The following CCDC152 variants were observed in gnomAD, a reference collection of about 807,000 sequenced individuals.
The protein encoded by CCDC152 is coiled-coil domain-containing protein 152.
In CCDC152, 37 loss-of-function variants were observed where a neutral mutation model predicts 38.1. The ratio of observed to expected loss-of-function variants is 0.97; its 90% CI spans 0.75 to 1.28. The LOEUF (loss-of-function observed/expected upper bound fraction) is 1.28, where lower values mean the gene tolerates loss of function less well. Among genes scored for constraint, CCDC152 ranks in the 50% most tolerant of loss-of-function variants. CCDC152 has a pLI of 0.00. For synonymous variants in CCDC152, 83 were observed against 87.1 expected, an observed-to-expected ratio of 0.95 and a Z score of 0.26; for missense variants, 259 against 292.1, an observed-to-expected ratio of 0.89 and a Z score of 0.83.
rs180799389 is a variant in CCDC152, at chr5:42,779,643, G to A, written c.327+121G>A. ...GCCAAATGTTTGTGGGTGTGTGTGTGTGTGGAGATATACGTATATATGCCA... is the reference window on the plus strand; with the variant it reads ...GCCAAATGTTTGTGGGTGTGTGTGTATGTGGAGATATACGTATATATGCCA... On this transcript the variant is annotated intron_variant, in intron 5 of 8. Transcript: ENST00000361970. 311 of 566,968 alleles carry A rather than the reference G, an allele frequency of 5.5e-4. 2 individuals are homozygous for A. In the East Asian group the frequency reaches 6.9e-3, roughly 13 times the overall value. 35.1% of individuals were successfully genotyped at this position (566,968 alleles called of 1,614,324 possible). A position where few individuals can be genotyped will look rare whatever the true frequency, so the allele number is the denominator to read the frequency against.
At chr5:42,769,989 G>C (rs759404253) in intron 4 of CCDC152, among the ~76,000 whole-genome samples, 1 of 152,128 alleles carries the variant, frequency 6.6e-6, no homozygotes, top group Non-Finnish European at 1.5e-5. Flanking sequence ...TTTGAAGAGT[G>C]GATATTACTA....
At position 42,800,820 on chromosome 5, in the gene CCDC152, G is replaced by A. The variant is rs1412209496; in HGVS notation, c.*1039G>A. The A allele has an allele frequency of 1.9e-6, 3 of 1,614,184 alleles. No individual in the cohort carries two copies. The highest frequency in any genetic ancestry group is 2.2e-5 in the East Asian group (1 of 44,886). On this transcript the variant is annotated 3_prime_UTR_variant, in exon 9 of 9. Transcript: ENST00000361970. Reference sequence around the variant, plus strand: ...CTGCTGACTTATTTGTCAGGCAGCTGGAGGCAAACGTCACTGACAAGATTC... The same window carrying A: ...CTGCTGACTTATTTGTCAGGCAGCTAGAGGCAAACGTCACTGACAAGATTC...
intron 5 of CCDC152, among the ~76,000 whole-genome samples, chr5:42,782,371 T>C (rs1404077374): frequency 1.3e-5 from 2 of 152,180 alleles, no homozygotes; most frequent in Non-Finnish European, 2.9e-5. Flanking sequence ...TTGAGCATCC[T>C]TAATATTCTA....
At chr5:42,770,506 T>C (rs1257081674) in intron 4 of CCDC152, among the ~76,000 whole-genome samples, 1 of 152,146 alleles carries the variant, frequency 6.6e-6, no homozygotes, top group Non-Finnish European at 1.5e-5. Flanking sequence ...GTCTTTTTTT[T>C]TTTAACAGTG....
At chr5:42,767,655 A>AT (rs1389837999) in intron 3 of CCDC152, among the ~76,000 whole-genome samples, 1 of 152,238 alleles carries the variant, frequency 6.6e-6, no homozygotes, top group Admixed American at 6.5e-5. Context: ...CTCGTGAAGA[A>AT]TTTATCTATG....
chr5:42,769,912 C>T (rs892506149), intron 4 of CCDC152, among the ~76,000 whole-genome samples: 15 of 152,112 alleles, frequency 9.9e-5, no homozygotes, highest in African/African-American at 3.4e-4. Flanking sequence ...TAGTTATTAC[C>T]TTCAAAAATT....
chr5:42,790,679 T>C (rs114496977), intron 6 of CCDC152, among the ~76,000 whole-genome samples: 97 of 152,096 alleles, frequency 6.4e-4, no homozygotes, highest in Non-Finnish European at 9.7e-4. Context: ...AAAGAAGGAA[T>C]CTTGGGTAGG....
chr5:42,793,206 A>G (rs993075382), intron 6 of CCDC152, among the ~76,000 whole-genome samples: 5 of 152,220 alleles, frequency 3.3e-5, no homozygotes, highest in South Asian at 2.1e-4. Context: ...CACATACTAT[A>G]TAATTCTGTT....
At chr5:42,758,051 T>A (rs993843255) in intron 1 of CCDC152, among the ~76,000 whole-genome samples, 2 of 152,210 alleles carry the variant, frequency 1.3e-5, no homozygotes, top group Non-Finnish European at 2.9e-5. Flanking sequence ...GCTGTAAGGA[T>A]CAAGTTTTAA....
intron 4 of CCDC152, among the ~76,000 whole-genome samples, chr5:42,770,396 T>C (rs1759681017): frequency 6.6e-6 from 1 of 152,196 alleles, no homozygotes; most frequent in Admixed American, 6.5e-5. Flanking sequence ...GGGGCACTCA[T>C]GCTCCTATTT....
At chr5:42,775,358 A>G (rs1001446222) in intron 4 of CCDC152, among the ~76,000 whole-genome samples, 2 of 152,208 alleles carry the variant, frequency 1.3e-5, no homozygotes, top group African/African-American at 4.8e-5. Context: ...GACCAAAGAT[A>G]GGAATTATAC....
At chr5:42,758,075 T>A (rs1327225750) in intron 1 of CCDC152, among the ~76,000 whole-genome samples, 1 of 152,220 alleles carries the variant, frequency 6.6e-6, no homozygotes, top group Non-Finnish European at 1.5e-5. Context: ...TTTAAGGGAT[T>A]TTATATGTAG....
chr5:42,769,694 A>G (rs920425480), intron 4 of CCDC152, 29 bp downstream of exon 4: 5 of 1,466,818 alleles, frequency 3.4e-6, no homozygotes, highest in Non-Finnish European at 4.5e-6. Flanking sequence ...TAAAATCTAA[A>G]AAAGCATTGT....
At chr5:42,799,485 G>C (rs1449613369) in intron 8 of CCDC152, 27 bp downstream of exon 8, 48 of 1,401,050 alleles carry the variant, frequency 3.4e-5, no homozygotes, top group Non-Finnish European at 4.4e-5. Context: ...CTCAGTATTT[G>C]TTGCTTAAGA....
chr5:42,789,203 G>A (rs564949329), intron 6 of CCDC152, among the ~76,000 whole-genome samples: 5 of 152,344 alleles, frequency 3.3e-5, no homozygotes, highest in South Asian at 4.1e-4. Flanking sequence ...TACCCTTTCT[G>A]CAGGGCTCTG....
chr5:42,758,594 A>G (rs1035061378), intron 1 of CCDC152, among the ~76,000 whole-genome samples: 1 of 152,214 alleles, frequency 6.6e-6, no homozygotes, highest in Non-Finnish European at 1.5e-5. Flanking sequence ...TTGATTTCAT[A>G]GGACTAAAAC....
At chr5:42,781,994 T>C (rs1759853340) in intron 5 of CCDC152, among the ~76,000 whole-genome samples, 1 of 152,164 alleles carries the variant, frequency 6.6e-6, no homozygotes, top group Non-Finnish European at 1.5e-5. Flanking sequence ...CTGTCTTCCA[T>C]CACCACTCTC....
chr5:42,763,721 T>G (rs1478342375), intron 3 of CCDC152, among the ~76,000 whole-genome samples: 1 of 152,208 alleles, frequency 6.6e-6, no homozygotes, highest in Non-Finnish European at 1.5e-5. Flanking sequence ...GATCAGTATT[T>G]GCAAAACTGT....
intron 4 of CCDC152, among the ~76,000 whole-genome samples, chr5:42,778,582 A>G (rs923014362): frequency 6.6e-6 from 1 of 152,208 alleles, no homozygotes; most frequent in Admixed American, 6.5e-5. Flanking sequence ...CCAAAAACCT[A>G]AAAAGAAAAG....
Sources: gnomAD v4.1 joint callset for allele counts (sites outside exome capture counted in the v4.1 genomes callset) on GRCh38, gnomAD v4.1.1 for gene constraint, MANE v1.5 for transcripts, NCBI Gene and HGNC (gene_info 2026-07-23, HGNC 2026-07-21) for gene names.